The following FRMPD1 variants were observed in gnomAD, a reference collection of about 807,000 sequenced individuals.
FRMPD1 encodes FERM and PDZ domain containing 1.
Under a neutral mutation model 117.8 loss-of-function variants are expected in FRMPD1, and 76 were observed. The observed-to-expected ratio is 0.65, with a 90% CI of 0.54 to 0.78. The LOEUF is 0.78. FRMPD1 is among the 30% of genes least tolerant of loss of function. The pLI, the probability that FRMPD1 is intolerant of heterozygous loss-of-function variation, is 0.00. For synonymous variants in FRMPD1, 783 were observed against 770.4 expected, an observed-to-expected ratio of 1.02 and a Z score of -0.27; for missense variants, 1,786 against 1,964.5, an observed-to-expected ratio of 0.91 and a Z score of 1.72.
chr9:37,709,519 C>T (rs1822834488), intron 4 of FRMPD1, among the ~76,000 whole-genome samples: 1 of 151,572 alleles, frequency 6.6e-6, no homozygotes, highest in African/African-American at 2.4e-5. Context: ...TGTACCACTG[C>T]ACTCCAGCCT....
the FRMPD1 span, among the ~76,000 whole-genome samples, chr9:37,615,199 A>G: frequency 7.2e-5 from 11 of 151,946 alleles, no homozygotes; most frequent in South Asian, 2.3e-3. Context: ...TGCAACCTCC[A>G]CTTCCCAGGC....
chr9:37,692,555 TA>T, intron 1 of FRMPD1, 82 bp from the exon 2 acceptor site: 2 of 904,818 alleles, frequency 2.2e-6, no homozygotes, highest in Non-Finnish European at 3.7e-6. Flanking sequence ...AATGGGCAAA[TA>T]AAGGAAGCAT....
chr9:37,670,684 A>C (rs1379583609), intron 1 of FRMPD1, among the ~76,000 whole-genome samples: 1 of 152,212 alleles, frequency 6.6e-6, no homozygotes, highest in Non-Finnish European at 1.5e-5. Context: ...GGAGTCATTG[A>C]AGGGTTTTGA....
intron 2 of FRMPD1, among the ~76,000 whole-genome samples, chr9:37,694,897 T>A (rs1040342376): frequency 1.3e-5 from 2 of 152,226 alleles, no homozygotes; most frequent in Non-Finnish European, 2.9e-5. Context: ...TGGATTGGTA[T>A]TTCATTCTTT....
intron 15 of FRMPD1, 181 bp downstream of exon 15, chr9:37,741,065 A>G: frequency 1.7e-6 from 1 of 605,346 alleles, no homozygotes; most frequent in Non-Finnish European, 3.0e-6. Flanking sequence ...CAGGCCTGCA[A>G]GGGAGGTTCA....
chr9:37,655,690 A>G (rs1162231387), intron 1 of FRMPD1, among the ~76,000 whole-genome samples: 1 of 151,656 alleles, frequency 6.6e-6, no homozygotes. Context: ...TTTTTCGTAG[A>G]GACGGGGTTT....
chr9:37,632,321 G>A, the FRMPD1 span, among the ~76,000 whole-genome samples: 1 of 152,124 alleles, frequency 6.6e-6, no homozygotes, highest in African/African-American at 2.4e-5. Flanking sequence ...GGGCCTATTC[G>A]TGGTGTTTTC....
At chr9:37,635,086 C>G in the FRMPD1 span, among the ~76,000 whole-genome samples, 1 of 152,180 alleles carries the variant, frequency 6.6e-6, no homozygotes, top group Non-Finnish European at 1.5e-5. Context: ...TTGACTCATT[C>G]TTACTCTTCA....
chr9:37,740,202 G>C lies in FRMPD1; in HGVS notation c.1674G>C (p.Gln558His), dbSNP rs761419639. The C allele has an allele frequency of 3.1e-6, 5 of 1,613,836 alleles. No individual in the cohort carries two copies. In the South Asian group the frequency reaches 5.5e-5, roughly 18 times the overall value. Residue 558 changes from glutamine (Q) to histidine (H), a missense_variant, in exon 15 of 16, where the codon CAG (glutamine) becomes CAC (histidine). Coordinates refer to ENST00000377765, the MANE Select transcript of FRMPD1 (RefSeq NM_014907.3). This position sits in a 1 kb window ranked among gnomAD's most constrained non-coding sequence, Gnocchi z 4.2. ...APCRSLIKEE[Q>H]PPGNSPTPEV... ...GCAGATCACTCATAAAGGAGGAGCA[G>C]CCTCCTGGGAACAGCCCCACACCTG... is the stretch of plus-strand genomic sequence containing the variant.
chr9:37,686,807 A>T (rs1821964982), intron 1 of FRMPD1, among the ~76,000 whole-genome samples: 2 of 152,228 alleles, frequency 1.3e-5, no homozygotes, highest in African/African-American at 4.8e-5. Context: ...TCCTATGGAT[A>T]TGTTCGAGAT....
chr9:37,717,509 A>G lies in FRMPD1; in HGVS notation c.409-1560A>G, dbSNP rs535114895. ...ATTCTCCTGCTTCAGCCCCCCGAGT[A>G]GCTAGGACTAAAGGCATGCACCACC... is the stretch of plus-strand genomic sequence containing the variant. On this transcript the variant is annotated intron_variant, in intron 5 of 15. Coordinates refer to ENST00000377765, the MANE Select transcript of FRMPD1 (RefSeq NM_014907.3). Among the ~76,000 whole-genome samples, 514 of 151,410 alleles carry G rather than the reference A, an allele frequency of 3.4e-3. 1 individual carries two copies. The highest frequency in any genetic ancestry group is 5.4e-3 in the Non-Finnish European group (367 of 67,884).
intron 1 of FRMPD1, among the ~76,000 whole-genome samples, chr9:37,676,780 C>T (rs1338378601): frequency 1.3e-5 from 2 of 152,188 alleles, no homozygotes; most frequent in African/African-American, 4.8e-5. Context: ...GAGCGAGACA[C>T]ACACTGCCCT....
intron 1 of FRMPD1, among the ~76,000 whole-genome samples, chr9:37,690,440 T>A (rs4878172): frequency 0.18 from 27,670 of 152,222 alleles, 3,132 homozygotes; most frequent in East Asian, 0.32. Flanking sequence ...TTCTTCTGAA[T>A]TTTTCTGTTT....
At chr9:37,608,714 C>T in the FRMPD1 span, among the ~76,000 whole-genome samples, 1 of 152,234 alleles carries the variant, frequency 6.6e-6, no homozygotes, top group East Asian at 1.9e-4. Flanking sequence ...TAAAAGCAAC[C>T]ATATTCATAA....
intron 2 of FRMPD1, among the ~76,000 whole-genome samples, chr9:37,697,983 C>T (rs1300499431): frequency 4.6e-5 from 7 of 152,134 alleles, no homozygotes; most frequent in East Asian, 1.9e-4. Flanking sequence ...GGCATTGTGG[C>T]GCGTGCCTCT....
Position 37,698,711 on chromosome 9 carries a change from G to A in FRMPD1, c.101+5969G>A, listed in dbSNP as rs891685295. ...CGCGTAGCTGGGATTACAGATATGC[G>A]CCACCACACCTGGCTAATTTTTGTA... is the stretch of plus-strand genomic sequence containing the variant. On this transcript the variant is annotated intron_variant, in intron 2 of 15. Transcript: ENST00000377765. 9.9e-5 allele frequency among the ~76,000 whole-genome samples: 15 copies of A among 150,922 alleles called. 1 individual carries two copies. The highest frequency in any genetic ancestry group is 4.6e-4 in the Admixed American group (7 of 15,204).
intron 14 of FRMPD1, among the ~76,000 whole-genome samples, chr9:37,737,484 C>T (rs1032307657): frequency 6.6e-6 from 1 of 152,162 alleles, no homozygotes; most frequent in Non-Finnish European, 1.5e-5. Context: ...AGCTCTAGTT[C>T]CCTGCTGTAT....
rs1333023418 is a variant in FRMPD1, at chr9:37,650,980, A to G, written c.-119A>G. ...GGCGGAGCCCGAGCCGAGCCCGAGCAGCGCTGCTTCCCGAGCCTTGGCCGC... is the reference window on the plus strand; with the variant it reads ...GGCGGAGCCCGAGCCGAGCCCGAGCGGCGCTGCTTCCCGAGCCTTGGCCGC... On this transcript the variant is annotated 5_prime_UTR_variant, in exon 1 of 16. Coordinates refer to ENST00000377765, the MANE Select transcript of FRMPD1 (RefSeq NM_014907.3). 3 of 151,552 alleles carry G rather than the reference A, an allele frequency of 2.0e-5. No individual in the cohort carries two copies. Among genetic ancestry groups the G allele is most frequent in the Non-Finnish European group, 4.4e-5 (3 of 67,868 alleles). 9.4% of individuals were successfully genotyped at this position (151,552 alleles called of 1,614,324 possible).
intron 2 of FRMPD1, among the ~76,000 whole-genome samples, chr9:37,700,617 A>G (rs755863880): frequency 1.3e-4 from 20 of 152,382 alleles, no homozygotes; most frequent in Non-Finnish European, 7.3e-5. Context: ...AAGTGCAATC[A>G]GTATCCATCT....
Sources: allele counts gnomAD v4.1 joint callset (sites outside exome capture counted in the v4.1 genomes callset), GRCh38; gene constraint gnomAD v4.1.1; non-coding constraint Gnocchi (gnomAD v3.1); transcripts MANE v1.5; gene names NCBI Gene and HGNC (gene_info 2026-07-23, HGNC 2026-07-21).